The following SPOCK3 variants were observed in gnomAD, a reference collection of about 807,000 sequenced individuals.
The protein encoded by SPOCK3 is SPARC (osteonectin), cwcv and kazal like domains proteoglycan 3, also known as testican-3.
Under a neutral mutation model 56.6 loss-of-function variants are expected in SPOCK3, and 30 were observed. That is an observed-to-expected ratio of 0.53 (90% confidence interval 0.40 to 0.72). The LOEUF (loss-of-function observed/expected upper bound fraction) is 0.72, where lower values mean the gene tolerates loss of function less well. Ranked by LOEUF, SPOCK3 falls within the 30% of genes least tolerant of loss-of-function variation. SPOCK3 has a pLI of 0.00. For synonymous variants in SPOCK3, 196 were observed against 183.3 expected, an observed-to-expected ratio of 1.07 and a Z score of -0.56; for missense variants, 527 against 530.0, an observed-to-expected ratio of 0.99 and a Z score of 0.06.
chr4:167,146,918 A>G (rs1764011513), intron 2 of SPOCK3, among the ~76,000 whole-genome samples: 1 of 152,132 alleles, frequency 6.6e-6, no homozygotes, highest in African/African-American at 2.4e-5. Context: ...AGCAAGAGCA[A>G]GCAAATTTAA....
At chr4:167,231,619 A>G (rs1163364038) in intron 2 of SPOCK3, among the ~76,000 whole-genome samples, 2 of 152,116 alleles carry the variant, frequency 1.3e-5, no homozygotes, top group Non-Finnish European at 2.9e-5. Flanking sequence ...CAACTGAAAA[A>G]TAACATCCTG....
chr4:166,981,685 C>T (rs1020379170), intron 4 of SPOCK3, among the ~76,000 whole-genome samples: 1 of 152,192 alleles, frequency 6.6e-6, no homozygotes, highest in Non-Finnish European at 1.5e-5. Flanking sequence ...GGCTCCCGGG[C>T]TTCAGGTCAT....
chr4:167,028,856 ACAAAT>A (rs1751979388), intron 3 of SPOCK3, among the ~76,000 whole-genome samples: 1 of 152,044 alleles, frequency 6.6e-6, no homozygotes, highest in African/African-American at 2.4e-5. Flanking sequence ...GTTTCTACTA[ACAAAT>A]CCTGAAGTTT....
intron 4 of SPOCK3, among the ~76,000 whole-genome samples, chr4:166,953,045 A>C (rs373370300): frequency 2.8e-4 from 42 of 150,586 alleles, no homozygotes; most frequent in South Asian, 2.3e-3. Flanking sequence ...ATGTCTAAAA[A>C]ACCAAAAGCA....
chr4:166,862,925 T>C (rs1329347931), intron 6 of SPOCK3, among the ~76,000 whole-genome samples: 2 of 152,014 alleles, frequency 1.3e-5, no homozygotes, highest in Admixed American at 6.6e-5. Flanking sequence ...ACTAAGATAA[T>C]CCTCAAGAAG....
intron 3 of SPOCK3, among the ~76,000 whole-genome samples, chr4:167,010,636 A>G (rs938727195): frequency 6.6e-6 from 1 of 152,120 alleles, no homozygotes; most frequent in East Asian, 1.9e-4. Flanking sequence ...ATATAGCACA[A>G]TTTGTACATG....
At chr4:167,117,404 C>T (rs981219095) in intron 2 of SPOCK3, among the ~76,000 whole-genome samples, 5 of 152,072 alleles carry the variant, frequency 3.3e-5, no homozygotes, top group African/African-American at 1.2e-4. Flanking sequence ...ATGAGGAAGC[C>T]TGAGTCCCGG....
chr4:166,870,092 G>C (rs1412777056), intron 6 of SPOCK3, among the ~76,000 whole-genome samples: 1 of 151,990 alleles, frequency 6.6e-6, no homozygotes, highest in East Asian at 1.9e-4. Flanking sequence ...AATCTTCTTA[G>C]ACTATTCTCA....
intron 2 of SPOCK3, among the ~76,000 whole-genome samples, chr4:167,110,566 AG>A (rs1392972581): frequency 1.3e-5 from 2 of 152,216 alleles, no homozygotes; most frequent in East Asian, 3.9e-4. Flanking sequence ...AAGAACAAAA[AG>A]GTGATAGGGA....
chr4:166,972,846 G>T (rs750691442), intron 4 of SPOCK3, among the ~76,000 whole-genome samples: 3 of 151,994 alleles, frequency 2.0e-5, no homozygotes, highest in Non-Finnish European at 2.9e-5. Context: ...GGTGTGACAT[G>T]TTGAAAACTG....
At chr4:167,083,181 G>C in intron 2 of SPOCK3, 1 of 764,872 alleles carries the variant, frequency 1.3e-6, no homozygotes, top group Non-Finnish European at 2.4e-6. Flanking sequence ...GATGTATTGA[G>C]ATAGCTAGTC....
intron 7 of SPOCK3, among the ~76,000 whole-genome samples, chr4:166,786,257 C>T (rs1740718306): frequency 6.6e-6 from 1 of 152,122 alleles, no homozygotes; most frequent in Non-Finnish European, 1.5e-5. Flanking sequence ...TGTGCCTTTA[C>T]TATGAAGAAT....
intron 7 of SPOCK3, among the ~76,000 whole-genome samples, chr4:166,774,635 T>A (rs776437175): frequency 1.7e-4 from 26 of 152,204 alleles, no homozygotes; most frequent in Admixed American, 5.9e-4. Flanking sequence ...CAACTTTCCT[T>A]TGACAACAAA....
chr4:166,996,860 A>G (rs1748431630), intron 4 of SPOCK3, among the ~76,000 whole-genome samples: 1 of 152,174 alleles, frequency 6.6e-6, no homozygotes, highest in African/African-American at 2.4e-5. Flanking sequence ...GACAATTATT[A>G]TTATTTAAAA....
At chr4:167,111,758 A>G (rs1046483740) in intron 2 of SPOCK3, among the ~76,000 whole-genome samples, 9 of 148,458 alleles carry the variant, frequency 6.1e-5, no homozygotes, top group Admixed American at 5.5e-4. Flanking sequence ...GCTTAAAAGT[A>G]GCACTTTTTT....
chr4:166,763,952 G>A (rs1439106578), intron 7 of SPOCK3, among the ~76,000 whole-genome samples: 2 of 151,958 alleles, frequency 1.3e-5, no homozygotes, highest in African/African-American at 2.4e-5. Context: ...TCCTTTCTTG[G>A]GGCCATAGCA....
intron 4 of SPOCK3, among the ~76,000 whole-genome samples, chr4:166,944,482 G>A (rs1427460560): frequency 2.0e-5 from 3 of 152,002 alleles, no homozygotes; most frequent in African/African-American, 7.2e-5. Flanking sequence ...GTATATAGTT[G>A]ACACTTTTTT....
intron 2 of SPOCK3, among the ~76,000 whole-genome samples, chr4:167,205,379 TAATA>T (rs1734075249): frequency 2.6e-5 from 1 of 38,078 alleles, no homozygotes; most frequent in Non-Finnish European, 4.2e-5. Context: ...TTTATATATA[TAATA>T]TATATATTTT....
At chr4:167,139,844 C>G (rs1032603480) in intron 2 of SPOCK3, among the ~76,000 whole-genome samples, 1 of 152,054 alleles carries the variant, frequency 6.6e-6, no homozygotes, top group African/African-American at 2.4e-5. Flanking sequence ...TTACCTTACT[C>G]TAGCCAATTT....
Sources: gnomAD v4.1 joint callset for allele counts (sites outside exome capture counted in the v4.1 genomes callset) on GRCh38, gnomAD v4.1.1 for gene constraint, MANE v1.5 for transcripts, NCBI Gene and HGNC (gene_info 2026-07-23, HGNC 2026-07-21) for gene names.